RYR1: variants seen among roughly 807,000 people sequenced by gnomAD.
RYR1 encodes the protein ryanodine receptor 1.
Under a neutral mutation model 583.5 loss-of-function variants are expected in RYR1, and 342 were observed. The ratio of observed to expected loss-of-function variants is 0.59; its 90% CI spans 0.54 to 0.64. RYR1 has a LOEUF of 0.64. RYR1 is among the 30% of genes least tolerant of loss of function. RYR1 has a pLI of 0.00. For synonymous variants in RYR1, 2,791 were observed against 2,822.5 expected (o/e 0.99, Z 0.35); for missense variants, 6,032 against 6,917.2 (o/e 0.87, Z 4.54).
chr19:38,541,955 G>A (rs1269543570), intron 84 of RYR1, among the ~76,000 whole-genome samples: 1 of 151,370 alleles, frequency 6.6e-6, no homozygotes, highest in Non-Finnish European at 1.5e-5. Context: ...TATAGTTCCA[G>A]CTACCTGGGA....
chr19:38,526,056 T>C (rs1198226177), intron 71 of RYR1, among the ~76,000 whole-genome samples: 1 of 151,574 alleles, frequency 6.6e-6, no homozygotes, highest in Non-Finnish European at 1.5e-5. Context: ...CCCAAGACTC[T>C]CAGGGGCTCA....
intron 96 of RYR1, 100 bp from the exon 97 acceptor site, chr19:38,575,817 AAG>A (rs1973931626): frequency 1.5e-6 from 2 of 1,299,032 alleles, no homozygotes; most frequent in Admixed American, 1.7e-5. Flanking sequence ...AAAAAGGAAA[AAG>A]AAAAACAGTG....
chr19:38,586,025 C>G (rs1263076632), intron 103 of RYR1, 23 bp downstream of exon 103: 37 of 1,613,762 alleles, frequency 2.3e-5, no homozygotes, highest in Non-Finnish European at 3.0e-5. Context: ...TGGGGGTGAC[C>G]CAGAGGGATT....
In RYR1 at chr19:38,561,166, G is replaced by A. The variant is rs1457151560; in HGVS notation, c.12336G>A (p.Ser4112=). The A allele has an allele frequency of 6.2e-7, 1 of 1,614,050 alleles. No individual in the cohort carries two copies. Among genetic ancestry groups the A allele is most frequent in the Admixed American group, 1.7e-5 (1 of 60,010 alleles). Residue 4112 remains serine (S), a synonymous_variant, in exon 90 of 106, where the codon TCG becomes TCA. Transcript: ENST00000359596. The surrounding 1 kb of genome is among the most constrained non-coding windows in gnomAD (Gnocchi z 4.8). ...FSGPEIQFLL[S]CSEADENEMI... is the part of the protein sequence containing the mutation. ...GTCCAGAAATCCAGTTCCTGCTTTCGTGCTCCGAAGCGGATGAGAACGAAA... is the reference window on the plus strand; with the variant it reads ...GTCCAGAAATCCAGTTCCTGCTTTCATGCTCCGAAGCGGATGAGAACGAAA...
At chr19:38,497,894 G>A (rs1266447838) in intron 42 of RYR1, among the ~76,000 whole-genome samples, 2 of 151,994 alleles carry the variant, frequency 1.3e-5, no homozygotes, top group Admixed American at 1.3e-4. Context: ...GGATTTGATA[G>A]AGCCTGCGAG....
intron 99 of RYR1, among the ~76,000 whole-genome samples, chr19:38,578,586 A>C (rs1974061416): frequency 6.6e-6 from 1 of 152,146 alleles, no homozygotes. Flanking sequence ...TAGTCCCAGC[A>C]CTTTGGGAGG....
At position 38,433,729 on chromosome 19, in the gene RYR1, A is replaced by G. The variant is rs1031899972; in HGVS notation, c.-101A>G. The G allele has an allele frequency of 3.6e-6, 3 of 823,906 alleles. No homozygotes were observed. The highest frequency in any genetic ancestry group is 2.0e-5 in the Admixed American group (1 of 51,158). 51.0% of individuals were successfully genotyped at this position (823,906 alleles called of 1,614,324 possible). On this transcript the variant is annotated 5_prime_UTR_variant, in exon 1 of 106. Transcript: ENST00000359596. ...CCTCGCGGGTGCCTCTGGTGTCTCCAGAGGTCTCCGACCCCAGCCCGCCCC... is the reference window on the plus strand; with the variant it reads ...CCTCGCGGGTGCCTCTGGTGTCTCCGGAGGTCTCCGACCCCAGCCCGCCCC...
At chr19:38,476,232 C>T (rs1420859236) in intron 29 of RYR1, among the ~76,000 whole-genome samples, 1 of 150,944 alleles carries the variant, frequency 6.6e-6, no homozygotes, top group Non-Finnish European at 1.5e-5. Context: ...GGAGTCTCAG[C>T]CTGTCGCCCA....
chr19:38,528,079 G>GTGGCCTGGCTCGTGGTCC, intron 73 of RYR1: 2 of 630,824 alleles, frequency 3.2e-6, no homozygotes, highest in Admixed American at 2.6e-5. Flanking sequence ...AGAATTGGTC[G>GTGGCCTGGCTCGTGGTCC]TGGCCTGGCT....
chr19:38,528,377 C>T lies in RYR1; in HGVS notation c.10896C>T (p.Val3632=). 6 of 1,614,116 alleles carry T rather than the reference C, an allele frequency of 3.7e-6. No homozygotes were observed. The highest frequency in any genetic ancestry group is 5.1e-6 in the Non-Finnish European group (6 of 1,180,024). ...KLLSKQRRRA[V]VACFRMTPLY... is the part of the protein sequence containing the mutation. Reference sequence around the variant, plus strand: ...TGTCCAAACAGCGCCGGCGGGCAGTCGTGGCCTGTTTCCGTATGACGCCCC... The same window carrying T: ...TGTCCAAACAGCGCCGGCGGGCAGTTGTGGCCTGTTTCCGTATGACGCCCC... The change falls in exon 74 of 106, where the codon GTC becomes GTT. Residue 3632 remains valine (V), a synonymous_variant. Coordinates refer to ENST00000359596, the MANE Select transcript of RYR1 (RefSeq NM_000540.3).
At chr19:38,566,244 T>C (rs1390716980) in intron 91 of RYR1, among the ~76,000 whole-genome samples, 1 of 147,808 alleles carries the variant, frequency 6.8e-6, no homozygotes, top group East Asian at 2.0e-4. Context: ...AGGTCAGGAG[T>C]TTGAGACCAT....
chr19:38,480,445 G>A (rs1413430598), intron 31 of RYR1, among the ~76,000 whole-genome samples: 1 of 152,040 alleles, frequency 6.6e-6, no homozygotes, highest in Non-Finnish European at 1.5e-5. Context: ...CGCCTGGCTT[G>A]TTTCATCTTT....
chr19:38,540,341 A>G (rs185842474), intron 84 of RYR1, among the ~76,000 whole-genome samples: 5 of 150,750 alleles, frequency 3.3e-5, no homozygotes, highest in Non-Finnish European at 1.5e-5. Context: ...ATACTACAGT[A>G]TAATAAACCT....
rs187378759 is a variant in RYR1 at position 38,585,881 on chromosome 19, G to C, written c.14804-57G>C. ...AGCCCTGGAGGTAGGTAGCTGGAGA[G>C]GGGGGAGTCTGAACCAGGTCAGAGG... On this transcript the variant is annotated intron_variant, in intron 102 of 105. Transcript: ENST00000359596. 1.7e-4 allele frequency: 279 copies of C among 1,601,580 alleles called. No homozygotes were observed. The East Asian group carries it at 3.9e-3, about 23-fold the overall frequency.
chr19:38,543,917 C>A lies in RYR1; in HGVS notation c.12012+42C>A, dbSNP rs1475169053. On this transcript the variant is annotated intron_variant, in intron 87 of 105. Transcript: ENST00000359596. The surrounding 1 kb of genome is among the most constrained non-coding windows in gnomAD (Gnocchi z 4.4). The stretch of plus-strand genomic sequence containing the variant: ...TCTCCATCCACCTGCTTCCGGGCGT[C>A]CCCCAAGTGGTCCATTTCCAAGTCT... The A allele has an allele frequency of 6.3e-7, 1 of 1,574,938 alleles. No individual in the cohort carries two copies. Among genetic ancestry groups the A allele is most frequent in the Non-Finnish European group, 8.7e-7 (1 of 1,153,600 alleles).
chr19:38,454,968 A>T (rs192973721), intron 13 of RYR1, among the ~76,000 whole-genome samples: 2 of 152,028 alleles, frequency 1.3e-5, no homozygotes, highest in African/African-American at 4.8e-5. Flanking sequence ...GTATAAACTC[A>T]GTCCTGGTGT....
chr19:38,537,977 T>C lies in RYR1; in HGVS notation c.11689+17T>C, dbSNP rs570193864. The C allele has an allele frequency of 1.6e-6, 2 of 1,227,938 alleles. No individual in the cohort carries two copies. Among genetic ancestry groups the C allele is most frequent in the Non-Finnish European group, 2.4e-6 (2 of 849,818 alleles). The allele number at this position is 1,227,938 out of a possible 1,614,324, so 76.1% of individuals were successfully genotyped here. ...ACAATAATGGTGAGGAGGAGGGGTG[T>C]GGGGTGGAGGGGAAGCCGAGGTTTG... On this transcript the variant is annotated intron_variant, in intron 84 of 105. Coordinates refer to ENST00000359596, the MANE Select transcript of RYR1 (RefSeq NM_000540.3).
rs576409936 is a variant in RYR1 at position 38,571,094 on chromosome 19, A to G, written c.13746+401A>G. On this transcript the variant is annotated intron_variant, in intron 94 of 105. Transcript: ENST00000359596. ...GGAGGAAGAAATGGGCCACTCACAG[A>G]ATGGAAGGAATGGGTTAAGAACCAG... Among the ~76,000 whole-genome samples the G allele has an allele frequency of 2.0e-5, 3 of 152,328 alleles. No homozygotes were observed. In the East Asian group the frequency reaches 5.8e-4, roughly 29 times the overall value.
At position 38,499,862 on chromosome 19, in the gene RYR1, T is replaced by G; in HGVS notation, c.7214+41T>G. Reference sequence around the variant, plus strand: ...CCCTCCTCAATAGGGCAACCCGCCCTCCCTGGCCCCTGGCTGCCTCCCCAA... The same window carrying G: ...CCCTCCTCAATAGGGCAACCCGCCCGCCCTGGCCCCTGGCTGCCTCCCCAA... On this transcript the variant is annotated intron_variant, in intron 44 of 105. Coordinates refer to ENST00000359596, the MANE Select transcript of RYR1 (RefSeq NM_000540.3). This position sits in a 1 kb window ranked among gnomAD's most constrained non-coding sequence, Gnocchi z 7.3. 1 of 1,239,010 alleles carries G rather than the reference T, an allele frequency of 8.1e-7. No homozygotes were observed. The highest frequency in any genetic ancestry group is 1.2e-6 in the Non-Finnish European group (1 of 867,452). 76.8% of individuals were successfully genotyped at this position (1,239,010 alleles called of 1,614,324 possible). A position where few individuals can be genotyped will look rare whatever the true frequency, so the allele number is the denominator to read the frequency against.
Sources: allele counts gnomAD v4.1 joint callset (sites outside exome capture counted in the v4.1 genomes callset), GRCh38; gene constraint gnomAD v4.1.1; non-coding constraint Gnocchi (gnomAD v3.1); transcripts MANE v1.5; gene names NCBI Gene and HGNC (gene_info 2026-07-23, HGNC 2026-07-21).